VPS50: variants seen among roughly 807,000 people sequenced by gnomAD.
The protein encoded by VPS50 is VPS50 subunit of EARP/GARPII complex, also known as syndetin.
VPS50 carries 70 observed loss-of-function variants against 139.7 expected under a neutral mutation model. The ratio of observed to expected loss-of-function variants is 0.50; its 90% CI spans 0.41 to 0.61. VPS50 has a LOEUF of 0.61. VPS50 is among the 20% of genes least tolerant of loss of function. The probability of loss-of-function intolerance (pLI) is 0.00; values close to 1 mark genes in which losing one functional copy is unlikely to be tolerated. For missense variants in VPS50, 921 were observed against 1,133.7 expected (o/e 0.81, Z 2.69); for synonymous variants, 365 against 376.7 (o/e 0.97, Z 0.36).
chr7:93,294,623 C>A lies in VPS50; in HGVS notation c.1154C>A (p.Thr385Lys). 1.3e-6 allele frequency: 2 copies of A among 1,593,894 alleles called. No homozygotes were observed. Among genetic ancestry groups the A allele is most frequent in the Non-Finnish European group, 8.5e-7 (1 of 1,171,836 alleles). ...AAAAAGAAATTAGAACATGGACTTA[C>A]ACGAATATGGCAGGTTTGGTTTTTT... Reference protein sequence around the residue: ...YIKKKLEHGLTRIWQDVQLKV... With the variant: ...YIKKKLEHGLKRIWQDVQLKV... Residue 385 changes from threonine to lysine, a missense_variant, in exon 14 of 28, where the codon ACA becomes AAA. Transcript: ENST00000305866.
Position 93,355,925 on chromosome 7 carries a change from C to T in VPS50, c.2620C>T (p.Arg874Cys), listed in dbSNP as rs1310117240. 8 of 1,600,730 alleles carry T rather than the reference C, an allele frequency of 5.0e-6. No homozygotes were observed. The highest frequency in any genetic ancestry group is 6.8e-6 in the Non-Finnish European group (8 of 1,170,366). ...ANVKKCSNEG[R>C]ALMQLDFQQF... is the part of the protein sequence containing the mutation. Reference sequence around the variant, plus strand: ...TGTCAAGAAATGCAGTAATGAGGGTCGTGCCCTGATGCAATTGGATTTTCA... The same window carrying T: ...TGTCAAGAAATGCAGTAATGAGGGTTGTGCCCTGATGCAATTGGATTTTCA... Residue 874 changes from arginine to cysteine, a missense_variant, in exon 27 of 28, where the codon CGT becomes TGT. Arg to Cys is a radical substitution (Grantham distance 180). Coordinates refer to ENST00000305866, the MANE Select transcript of VPS50 (RefSeq NM_017667.4).
intron 20 of VPS50, among the ~76,000 whole-genome samples, chr7:93,317,756 A>G (rs1317783987): frequency 2.0e-5 from 3 of 152,194 alleles, no homozygotes; most frequent in East Asian, 3.8e-4. Flanking sequence ...AACAATGTGT[A>G]TTTAACAGGA....
chr7:93,302,926 G>A (rs957551004), intron 16 of VPS50, among the ~76,000 whole-genome samples: 6 of 152,032 alleles, frequency 3.9e-5, no homozygotes, highest in African/African-American at 7.2e-5. Flanking sequence ...AAGTATATAC[G>A]TGTCTTAGCT....
chr7:93,281,802 C>G (rs986242870), intron 12 of VPS50, among the ~76,000 whole-genome samples: 3 of 152,156 alleles, frequency 2.0e-5, no homozygotes, highest in Non-Finnish European at 4.4e-5. Flanking sequence ...GTAAAAATTG[C>G]ATATGTCTGC....
intron 9 of VPS50, among the ~76,000 whole-genome samples, chr7:93,269,281 A>AT (rs1795935804): frequency 6.6e-6 from 1 of 151,928 alleles, no homozygotes; most frequent in Admixed American, 6.6e-5. Flanking sequence ...TCCTAGAATT[A>AT]TTTTTTTAAG....
At chr7:93,334,241 G>A (rs1430437129) in intron 22 of VPS50, 44 bp downstream of exon 22, 2 of 1,057,744 alleles carry the variant, frequency 1.9e-6, no homozygotes, top group African/African-American at 1.6e-5. Flanking sequence ...TATATAAAAT[G>A]GAAATTAGCT....
At chr7:93,282,948 TA>T (rs943506394) in intron 12 of VPS50, among the ~76,000 whole-genome samples, 1 of 152,224 alleles carries the variant, frequency 6.6e-6, no homozygotes, top group African/African-American at 2.4e-5. Context: ...TAATGATTTC[TA>T]AATTAAGTAG....
At chr7:93,337,280 G>A (rs1798094089) in intron 22 of VPS50, among the ~76,000 whole-genome samples, 1 of 152,170 alleles carries the variant, frequency 6.6e-6, no homozygotes, top group South Asian at 2.1e-4. Context: ...TCTAAAGAAT[G>A]CTTTTGTGAA....
intron 2 of VPS50, among the ~76,000 whole-genome samples, chr7:93,244,084 GAAAGA>G (rs764460074): frequency 2.0e-5 from 3 of 151,490 alleles, no homozygotes; most frequent in Non-Finnish European, 3.0e-5. Context: ...TTTTTTTCGT[GAAAGA>G]AAAATATAGG....
chr7:93,246,030 C>T (rs1795141166), intron 2 of VPS50: 1 of 855,960 alleles, frequency 1.2e-6, no homozygotes, highest in Non-Finnish European at 1.8e-6. Flanking sequence ...TTGAAAACTT[C>T]ATGTTTTGTT....
At chr7:93,322,879 CAGA>C (rs1208124526) in intron 20 of VPS50, among the ~76,000 whole-genome samples, 19 of 152,222 alleles carry the variant, frequency 1.2e-4, no homozygotes, top group African/African-American at 3.9e-4. Flanking sequence ...TTTGTAAATG[CAGA>C]AGTTTAATTC....
At chr7:93,290,249 A>G (rs1329061542) in intron 12 of VPS50, among the ~76,000 whole-genome samples, 1 of 151,806 alleles carries the variant, frequency 6.6e-6, no homozygotes, top group South Asian at 2.1e-4. Flanking sequence ...TTCTTGTCCT[A>G]TTCTTTTGCC....
Position 93,298,149 on chromosome 7 carries a change from A to C in VPS50, c.1361+906A>C, listed in dbSNP as rs142915563. On this transcript the variant is annotated intron_variant, in intron 16 of 27. Transcript: ENST00000305866. The stretch of plus-strand genomic sequence containing the variant: ...ATTTGAATACAAGTTATCTCTGTTA[A>C]TTGTAAACAATGAAGTAAATTGTTT... Among the ~76,000 whole-genome samples, 327 of 152,296 alleles carry C rather than the reference A, an allele frequency of 2.1e-3. 1 individual carries two copies. The highest frequency in any genetic ancestry group is 7.4e-3 in the African/African-American group (309 of 41,572).
chr7:93,342,933 C>G (rs1328020832), intron 23 of VPS50, among the ~76,000 whole-genome samples: 1 of 152,216 alleles, frequency 6.6e-6, no homozygotes, highest in African/African-American at 2.4e-5. Flanking sequence ...CACCTCTCCT[C>G]CTCCAAAGGA....
At chr7:93,269,329 A>G (rs1474585572) in intron 9 of VPS50, among the ~76,000 whole-genome samples, 5 of 151,940 alleles carry the variant, frequency 3.3e-5, no homozygotes, top group East Asian at 1.9e-4. Context: ...CCCTTAATCT[A>G]TGTCTGATAT....
At chr7:93,331,856 C>G (rs1797951067) in intron 21 of VPS50, among the ~76,000 whole-genome samples, 1 of 152,078 alleles carries the variant, frequency 6.6e-6, no homozygotes, top group Non-Finnish European at 1.5e-5. Flanking sequence ...AAAGTGTAAA[C>G]AACTCTTATA....
intron 23 of VPS50, among the ~76,000 whole-genome samples, chr7:93,342,028 CAG>C (rs1218861462): frequency 6.6e-6 from 1 of 152,182 alleles, no homozygotes; most frequent in East Asian, 1.9e-4. Context: ...GTGAACGACA[CAG>C]AAGACGGGTG....
At chr7:93,262,169 T>C (rs964620030) in intron 9 of VPS50, among the ~76,000 whole-genome samples, 1 of 152,182 alleles carries the variant, frequency 6.6e-6, no homozygotes, top group African/African-American at 2.4e-5. Flanking sequence ...CTGTCTGTTA[T>C]AATAGGAAAG....
In VPS50 at chr7:93,259,638, G is replaced by T; in HGVS notation, c.659+6G>T. On this transcript the variant is annotated splice_donor_region_variant and intron_variant, in intron 9 of 27. Transcript: ENST00000305866. ...AAACATTACAGTTGTATAAGGTAAGGTCATGTAAATGTTTTAAAGCAGATT... is the reference window on the plus strand; with the variant it reads ...AAACATTACAGTTGTATAAGGTAAGTTCATGTAAATGTTTTAAAGCAGATT... 1 of 1,506,660 alleles carries T rather than the reference G, an allele frequency of 6.6e-7. No homozygotes were observed. The allele number at this position is 1,506,660 out of a possible 1,614,324, so 93.3% of individuals were successfully genotyped here. A position where few individuals can be genotyped will look rare whatever the true frequency, so the allele number is the denominator to read the frequency against.
Sources: gnomAD v4.1 joint callset for allele counts (sites outside exome capture counted in the v4.1 genomes callset) on GRCh38, gnomAD v4.1.1 for gene constraint, MANE v1.5 for transcripts, NCBI Gene and HGNC (gene_info 2026-07-23, HGNC 2026-07-21) for gene names.